ATRX: variants seen among roughly 807,000 people sequenced by gnomAD.
ATRX encodes the protein chromatin remodeler ATRX.
Under a neutral mutation model 172.6 loss-of-function variants are expected in ATRX, and 12 were observed. That is an observed-to-expected ratio of 0.07 (90% CI 0.04 to 0.11). ATRX has a LOEUF of 0.11. ATRX is among the 10% of genes least tolerant of loss of function. The pLI is 1.00. For synonymous variants in ATRX, 674 were observed against 594.7 expected (o/e 1.13, Z -1.94); for missense variants, 1,368 against 1,767.4 (o/e 0.77, Z 4.05).
intron 31 of ATRX, 69 bp downstream of exon 31, chrX:77,523,183 C>T: frequency 8.7e-7 from 1 of 1,151,693 alleles, no homozygotes; most frequent in Non-Finnish European, 1.2e-6. Context: ...AAATGTGACC[C>T]TTTTCTTCTT....
chrX:77,527,573 A>G (rs1481291712), intron 30 of ATRX, among the ~76,000 whole-genome samples: 2 of 112,223 alleles, frequency 1.8e-5, no homozygotes, highest in African/African-American at 6.5e-5. Flanking sequence ...ACAGCAGCTC[A>G]GGCGCACACA....
At chrX:77,688,281 C>CA (rs782454364) in intron 7 of ATRX, among the ~76,000 whole-genome samples, 1 of 111,690 alleles carries the variant, frequency 9.0e-6, no homozygotes, top group African/African-American at 3.2e-5. Context: ...GTATTACTAA[C>CA]AAAAAAGTGG....
chrX:77,761,193 G>A (rs782018164), intron 1 of ATRX, among the ~76,000 whole-genome samples: 14 of 111,436 alleles, frequency 1.3e-4, no homozygotes, highest in African/African-American at 4.5e-4. Flanking sequence ...GGCCCTGAGA[G>A]TAATTGTTAA....
At chrX:77,785,865 C>T in intron 1 of ATRX, 117 bp downstream of exon 1, 2 of 957,714 alleles carry the variant, frequency 2.1e-6, no homozygotes, top group Non-Finnish European at 2.6e-6. Context: ...AACGATGCCT[C>T]TTTCGGCTAA....
At chrX:77,627,245 T>A (rs990903605) in intron 19 of ATRX, among the ~76,000 whole-genome samples, 5 of 110,238 alleles carry the variant, frequency 4.5e-5, no homozygotes, top group African/African-American at 6.6e-5. Flanking sequence ...AAAAAAAAAT[T>A]AAATAAAATA....
intron 15 of ATRX, among the ~76,000 whole-genome samples, chrX:77,639,954 T>C (rs1439989293): frequency 8.9e-6 from 1 of 112,461 alleles, no homozygotes; most frequent in African/African-American, 3.2e-5. Flanking sequence ...AATGGTGGAT[T>C]AGGTAAACAA....
At chrX:77,709,017 G>T (rs144188264) in intron 2 of ATRX, among the ~76,000 whole-genome samples, 3 of 112,051 alleles carry the variant, frequency 2.7e-5, no homozygotes, top group African/African-American at 9.7e-5. Flanking sequence ...GACCAGCATG[G>T]GCAACAGAGC....
rs2148632169 is a variant in ATRX at position 77,684,232 on chromosome X, A to T, written c.1024T>A (p.Ser342Thr). Residue 342 changes from serine (S) to threonine (T), a missense_variant, in exon 9 of 35, where the codon TCT (serine) becomes ACT (threonine). Physicochemically the swap from Ser to Thr is moderately conservative, Grantham distance 58. This residue lies in a region of ATRX where 843 missense variants were observed against 643.1 expected (regional missense o/e 1.31). Coordinates refer to ENST00000373344, the MANE Select transcript of ATRX (RefSeq NM_000489.6). ...DDSCSGSVTYSYSALIVPKEM... is the reference protein window; with the variant it reads ...DDSCSGSVTYTYSALIVPKEM... ...TTGGGCACAATTAGTGCGGAATAAGAGTAGGTTACAGAGCCAGAACAGGAA... is the reference window on the plus strand; with the variant it reads ...TTGGGCACAATTAGTGCGGAATAAGTGTAGGTTACAGAGCCAGAACAGGAA... 1 of 1,211,190 alleles carries T rather than the reference A, an allele frequency of 8.3e-7. No homozygotes were observed. The highest frequency in any genetic ancestry group is 1.8e-5 in the South Asian group (1 of 56,983).
chrX:77,661,950 C>T (rs782239828), intron 12 of ATRX, among the ~76,000 whole-genome samples: 1 of 111,084 alleles, frequency 9.0e-6, no homozygotes, highest in African/African-American at 3.3e-5. Context: ...GTATCCCATC[C>T]ATCATGTGCC....
intron 5 of ATRX, 72 bp downstream of exon 5, chrX:77,696,505 T>C (rs2072193537): frequency 9.1e-7 from 1 of 1,102,523 alleles, no homozygotes; most frequent in Non-Finnish European, 1.2e-6. Context: ...AGTAATCAAG[T>C]TCCAATTTTA....
At chrX:77,767,977 T>C (rs1158552394) in intron 1 of ATRX, among the ~76,000 whole-genome samples, 1 of 111,553 alleles carries the variant, frequency 9.0e-6, no homozygotes, top group Non-Finnish European at 1.9e-5. Flanking sequence ...GAGACTGAAC[T>C]AAAAAATATC....
At chrX:77,606,362 C>A (rs1209624948) in intron 22 of ATRX, among the ~76,000 whole-genome samples, 1 of 111,179 alleles carries the variant, frequency 9.0e-6, no homozygotes, top group Non-Finnish European at 1.9e-5. Context: ...ACCAAACATT[C>A]CAAGAAGTAC....
intron 19 of ATRX, among the ~76,000 whole-genome samples, chrX:77,621,289 AACAT>A (rs2067569111): frequency 8.9e-6 from 1 of 111,851 alleles, no homozygotes; most frequent in South Asian, 3.7e-4. Context: ...TTGTTAAAAT[AACAT>A]ACATATTTTT....
chrX:77,699,197 T>C (rs2072364154), intron 2 of ATRX, among the ~76,000 whole-genome samples: 1 of 110,735 alleles, frequency 9.0e-6, no homozygotes, highest in Non-Finnish European at 1.9e-5. Flanking sequence ...GCAGAGGTGC[T>C]ATCATGGTTC....
rs782004175 is a variant in ATRX at position 77,682,848 on chromosome X, A to G, written c.2408T>C (p.Ile803Thr). ...CTGGGTTTGTCGTTTCTTTTTAGAA[A>G]TTATAGAGCTCTTAGCTGATTTGCC... is the stretch of plus-strand genomic sequence containing the variant. ...KKGKSAKSSI[I>T]SKKKRQTQSE... is the part of the protein sequence containing the mutation. The change falls in exon 9 of 35, where the codon ATT becomes ACT. Residue 803 changes from isoleucine to threonine, a missense_variant. Around this residue, in one of 17 missense-constraint regions of ATRX, gnomAD observed 843 missense variants for 643.1 expected, o/e 1.31. Transcript: ENST00000373344. The G allele has an allele frequency of 8.3e-7, 1 of 1,206,798 alleles. No homozygotes were observed. Among genetic ancestry groups the G allele is most frequent in the Non-Finnish European group, 1.1e-6 (1 of 894,317 alleles).
chrX:77,532,837 A>C (rs1368646109), intron 30 of ATRX, among the ~76,000 whole-genome samples: 1 of 112,175 alleles, frequency 8.9e-6, no homozygotes, highest in Non-Finnish European at 1.9e-5. Context: ...AAAAGAAACG[A>C]TCATCAGAGC....
At chrX:77,735,587 G>A (rs1237772707) in intron 1 of ATRX, among the ~76,000 whole-genome samples, 8 of 73,171 alleles carry the variant, frequency 1.1e-4, no homozygotes, top group Admixed American at 1.8e-4. Context: ...GCAAGACTCC[G>A]TCTCAAAAAA....
intron 24 of ATRX, 71 bp from the exon 25 acceptor site, chrX:77,599,651 C>T (rs1229914447): frequency 3.4e-6 from 4 of 1,191,954 alleles, no homozygotes; most frequent in South Asian, 1.8e-5. Flanking sequence ...AAGATGTAAA[C>T]GTCAATTATA....
At chrX:77,740,536 G>A (rs1255909241) in intron 1 of ATRX, among the ~76,000 whole-genome samples, 1 of 110,680 alleles carries the variant, frequency 9.0e-6, no homozygotes, top group Non-Finnish European at 1.9e-5. Context: ...CTACCAAGAG[G>A]AAAGACAATT....
Sources: gnomAD v4.1 joint callset for allele counts (sites outside exome capture counted in the v4.1 genomes callset) on GRCh38, gnomAD v4.1.1 for gene constraint, gnomAD v4.1.1 regional missense constraint, MANE v1.5 for transcripts, NCBI Gene and HGNC (gene_info 2026-07-23, HGNC 2026-07-21) for gene names.